Variants in PRSS12 observed in about 807,000 individuals in gnomAD.
The protein encoded by PRSS12 is neurotrypsin.
Under a neutral mutation model 104.4 loss-of-function variants are expected in PRSS12, and 85 were observed. That is an observed-to-expected ratio of 0.81 (90% CI 0.68 to 0.98). The LOEUF is 0.98. Ranked by LOEUF, PRSS12 falls within the 50% of genes least tolerant of loss-of-function variation. The pLI is 0.00. For missense variants in PRSS12, 1,141 were observed against 1,139.2 expected, an observed-to-expected ratio of 1.00 and a Z score of -0.02; for synonymous variants, 454 against 425.2, an observed-to-expected ratio of 1.07 and a Z score of -0.83.
chr4:118,296,127 T>C (rs574779944), intron 9 of PRSS12, among the ~76,000 whole-genome samples: 17 of 152,358 alleles, frequency 1.1e-4, no homozygotes, highest in African/African-American at 4.1e-4. Flanking sequence ...TACTTTATCC[T>C]GGTAGGTACC....
At chr4:118,350,131 G>A (rs986114883) in intron 1 of PRSS12, among the ~76,000 whole-genome samples, 1 of 152,194 alleles carries the variant, frequency 6.6e-6, no homozygotes, top group African/African-American at 2.4e-5. Context: ...AGGTTGTTTT[G>A]CGTACATGCT....
intron 8 of PRSS12, among the ~76,000 whole-genome samples, chr4:118,300,885 T>C (rs188783270): frequency 1.3e-5 from 2 of 152,232 alleles, no homozygotes; most frequent in African/African-American, 4.8e-5. Context: ...CATCAAACTT[T>C]GGCAAAGAAA....
At chr4:118,286,319 G>C (rs1002639637) in intron 11 of PRSS12, among the ~76,000 whole-genome samples, 1 of 152,148 alleles carries the variant, frequency 6.6e-6, no homozygotes. Context: ...CTGTGCTCCT[G>C]TCATTTACAC....
chr4:118,282,283 A>G, intron 12 of PRSS12, 40 bp from the exon 13 acceptor site: 1 of 1,608,804 alleles, frequency 6.2e-7, no homozygotes, highest in Non-Finnish European at 8.5e-7. Flanking sequence ...ATTCCAGATA[A>G]CCATCGCAAC....
At position 118,335,608 on chromosome 4, in the gene PRSS12, G is replaced by C; in HGVS notation, c.685C>G (p.Leu229Val). ...ACATTGCTCCAATAAATGGGAATAA[G>C]GCCCAGTCCAGAAAACGGGGTTTGT... ...AKQTPFSGLG[L>V]IPIYWSNVRC... The change falls in exon 3 of 13, where the codon CTT becomes GTT. Residue 229 changes from leucine to valine, a missense_variant. Leu to Val is a conservative substitution (Grantham distance 32). Transcript: ENST00000296498. 5 of 1,614,016 alleles carry C rather than the reference G, an allele frequency of 3.1e-6. No homozygotes were observed. Among genetic ancestry groups the C allele is most frequent in the Non-Finnish European group, 3.4e-6 (4 of 1,179,954 alleles).
intron 7 of PRSS12, 98 bp from the exon 8 acceptor site, chr4:118,308,675 C>G (rs1743622729): frequency 2.8e-5 from 42 of 1,492,330 alleles, no homozygotes; most frequent in Non-Finnish European, 3.5e-5. Context: ...TTTTAATCAG[C>G]TATAAAATCA....
At chr4:118,334,589 A>G (rs1429923590) in intron 3 of PRSS12, among the ~76,000 whole-genome samples, 1 of 152,172 alleles carries the variant, frequency 6.6e-6, no homozygotes, top group Non-Finnish European at 1.5e-5. Context: ...CTCTCAGAGT[A>G]TACACCTGGA....
At chr4:118,351,923 G>GCA (rs142733357) in intron 1 of PRSS12, among the ~76,000 whole-genome samples, 11 of 151,288 alleles carry the variant, frequency 7.3e-5, no homozygotes, top group Admixed American at 2.0e-4. Context: ...ATACACGAGC[G>GCA]CACACACACA....
chr4:118,326,596 T>C (rs1360265778), intron 4 of PRSS12, among the ~76,000 whole-genome samples: 1 of 152,218 alleles, frequency 6.6e-6, no homozygotes, highest in Non-Finnish European at 1.5e-5. Flanking sequence ...ACACGGTCAC[T>C]ATCATTTTCT....
Position 118,337,885 on chromosome 4 carries a change from G to C in PRSS12, c.641+291C>G, listed in dbSNP as rs1041840488. ...TGTAAAGGCATAACTTGCTTCAAAG[G>C]CCTCTGTATTTTGTTAAAGACAAAG... is the stretch of plus-strand genomic sequence containing the variant. On this transcript the variant is annotated intron_variant, in intron 2 of 12. Transcript: ENST00000296498. Among the ~76,000 whole-genome samples the C allele has an allele frequency of 2.0e-5, 3 of 151,836 alleles. No individual in the cohort carries two copies. The East Asian group carries it at 5.8e-4, about 29-fold the overall frequency.
At chr4:118,322,423 G>A (rs138121157) in intron 4 of PRSS12, among the ~76,000 whole-genome samples, 2,176 of 152,118 alleles carry the variant, frequency 0.014, 61 homozygotes, top group African/African-American at 0.047. Flanking sequence ...GGTGGTGTCT[G>A]TAATCCCTGC....
At chr4:118,293,687 C>A (rs1022330834) in intron 11 of PRSS12, among the ~76,000 whole-genome samples, 3 of 152,060 alleles carry the variant, frequency 2.0e-5, no homozygotes, top group Admixed American at 6.6e-5. Flanking sequence ...TAAAAAGAAA[C>A]CCCAAAACTT....
intron 1 of PRSS12, among the ~76,000 whole-genome samples, chr4:118,342,142 C>G (rs747431008): frequency 1.3e-5 from 2 of 152,130 alleles, no homozygotes; most frequent in Non-Finnish European, 2.9e-5. Context: ...TGGGTGTACA[C>G]ATTTGCACAA....
In PRSS12 at chr4:118,347,077, TA is replaced by T. The variant is rs556055223; in HGVS notation, c.502+5141del. Among the ~76,000 whole-genome samples, 585 of 143,624 alleles carry T rather than the reference TA, an allele frequency of 4.1e-3. 1 individual carries two copies. The highest frequency in any genetic ancestry group is 0.016 in the South Asian group (72 of 4,544). The allele number at this position is 143,624 out of a possible 152,430, so 94.2% of individuals were successfully genotyped here. ...TAACGGGATATCTTATTGTCTTCTC[TA>T]AAAAAAAAAAAATATGCACACTAGT... On this transcript the variant is annotated intron_variant, in intron 1 of 12. Transcript: ENST00000296498.
In PRSS12 at chr4:118,281,875, A is replaced by T; in HGVS notation, c.*61T>A. On this transcript the variant is annotated 3_prime_UTR_variant, in exon 13 of 13. Transcript: ENST00000296498. The stretch of plus-strand genomic sequence containing the variant: ...TTTGTTGTCATCTCTGCTGAGTGCT[A>T]ATAGTGGGGGTTCAAAGTTTTCCAT... 1 of 829,772 alleles carries T rather than the reference A, an allele frequency of 1.2e-6. No homozygotes were observed. The highest frequency in any genetic ancestry group is 2.2e-6 in the Non-Finnish European group (1 of 463,820). 51.4% of individuals were successfully genotyped at this position (829,772 alleles called of 1,614,324 possible).
At chr4:118,341,357 T>C (rs1315139758) in intron 1 of PRSS12, among the ~76,000 whole-genome samples, 2 of 152,176 alleles carry the variant, frequency 1.3e-5, no homozygotes, top group Non-Finnish European at 2.9e-5. Flanking sequence ...ATTTATTCTC[T>C]TAGAAAAGCT....
intron 9 of PRSS12, among the ~76,000 whole-genome samples, chr4:118,297,998 C>G (rs559242526): frequency 8.6e-5 from 13 of 151,880 alleles, no homozygotes; most frequent in African/African-American, 2.9e-4. Flanking sequence ...ATTAGCTGGG[C>G]GTGGTGGCAG....
intron 10 of PRSS12, 22 bp from the exon 11 acceptor site, chr4:118,295,083 C>T (rs754208404): frequency 1.7e-5 from 27 of 1,612,704 alleles, no homozygotes; most frequent in Non-Finnish European, 2.2e-5. Flanking sequence ...ATGAGCTACA[C>T]ATCAACGTCA....
chr4:118,311,361 A>G (rs1221452783), intron 7 of PRSS12, among the ~76,000 whole-genome samples: 1 of 152,170 alleles, frequency 6.6e-6, no homozygotes, highest in East Asian at 1.9e-4. Context: ...CCCTTGACAT[A>G]TAAAGTTAAG....
Sources: allele counts gnomAD v4.1 joint callset (sites outside exome capture counted in the v4.1 genomes callset), GRCh38; gene constraint gnomAD v4.1.1; transcripts MANE v1.5; gene names NCBI Gene and HGNC (gene_info 2026-07-23, HGNC 2026-07-21).